The following COL6A6 variants were observed in gnomAD, a reference collection of about 807,000 sequenced individuals.
COL6A6 encodes the protein collagen type VI alpha 6 chain, also known as collagen alpha-6(VI) chain.
A neutral mutation model predicts 208.6 loss-of-function variants in COL6A6; 183 were observed. The observed-to-expected ratio is 0.88, with a 90% CI of 0.78 to 0.99. The LOEUF (loss-of-function observed/expected upper bound fraction) is 0.99. Ranked by LOEUF, COL6A6 falls within the 50% of genes least tolerant of loss-of-function variation. COL6A6 has a pLI of 0.00. For synonymous variants in COL6A6, 973 were observed against 1,011.8 expected, an observed-to-expected ratio of 0.96 and a Z score of 0.73; for missense variants, 2,816 against 2,815.2, an observed-to-expected ratio of 1.00 and a Z score of -0.01.
intron 29 of COL6A6, among the ~76,000 whole-genome samples, chr3:130,642,542 C>T (rs1201703635): frequency 6.6e-6 from 1 of 152,128 alleles, no homozygotes; most frequent in African/African-American, 2.4e-5. Flanking sequence ...GTCAGGTTGT[C>T]AGCTCCATCC....
At chr3:130,616,958 A>G (rs1051023309) in intron 23 of COL6A6, among the ~76,000 whole-genome samples, 1 of 152,158 alleles carries the variant, frequency 6.6e-6, no homozygotes, top group African/African-American at 2.4e-5. Context: ...TGCTTAGAAC[A>G]TTGCCTGCAG....
intron 1 of COL6A6, among the ~76,000 whole-genome samples, chr3:130,553,444 A>C (rs181938223): frequency 1.6e-4 from 25 of 152,280 alleles, no homozygotes; most frequent in African/African-American, 5.5e-4. Flanking sequence ...TTCTGCTGTT[A>C]ATACTTGGGA....
At chr3:130,523,063 C>G (rs147481630) in intron 1 of COL6A6, among the ~76,000 whole-genome samples, 1 of 152,100 alleles carries the variant, frequency 6.6e-6, no homozygotes, top group African/African-American at 2.4e-5. Context: ...ACCACTCCAC[C>G]TTAACTGTGT....
intron 18 of COL6A6, among the ~76,000 whole-genome samples, chr3:130,597,392 A>G (rs943019100): frequency 5.3e-5 from 8 of 152,340 alleles, no homozygotes; most frequent in Non-Finnish European, 8.8e-5. Context: ...CCATTAACTT[A>G]TAAGCTCTGT....
chr3:130,658,890 T>C (rs2065870829), intron 34 of COL6A6, 118 bp downstream of exon 34: 1 of 681,116 alleles, frequency 1.5e-6, no homozygotes. Flanking sequence ...AGGACCTCTC[T>C]GGGGTTCTGG....
chr3:130,572,467 TC>T (rs1188356455), intron 7 of COL6A6, among the ~76,000 whole-genome samples: 3 of 152,256 alleles, frequency 2.0e-5, no homozygotes, highest in Admixed American at 1.3e-4. Flanking sequence ...ATATAGTAGT[TC>T]TTTTTAAAAC....
chr3:130,524,535 C>T (rs1167230061), intron 1 of COL6A6, among the ~76,000 whole-genome samples: 1 of 151,948 alleles, frequency 6.6e-6, no homozygotes, highest in Non-Finnish European at 1.5e-5. Context: ...GGAGTCCCAC[C>T]TCATTTTCTT....
At chr3:130,559,995 T>A (rs1010802049) in intron 1 of COL6A6, among the ~76,000 whole-genome samples, 2 of 152,204 alleles carry the variant, frequency 1.3e-5, no homozygotes, top group Non-Finnish European at 2.9e-5. Context: ...CTGAATTGTC[T>A]TAGCAATGAA....
chr3:130,542,637 A>G (rs1397592652), intron 1 of COL6A6, among the ~76,000 whole-genome samples: 1 of 152,210 alleles, frequency 6.6e-6, no homozygotes, highest in African/African-American at 2.4e-5. Flanking sequence ...GTCTTCAACT[A>G]TAATAGTGGA....
rs1296575321 is a variant in COL6A6 at position 130,676,511 on chromosome 3, A to T, written c.*1114A>T. On this transcript the variant is annotated 3_prime_UTR_variant, in exon 37 of 37. Transcript: ENST00000358511. The stretch of plus-strand genomic sequence containing the variant: ...TGTTCAGACCTTACCTCAGTCTAAG[A>T]GCTGGCTCCACAGTTGGTAGCAATG... The T allele has an allele frequency of 6.6e-6, 1 of 152,196 alleles. No homozygotes were observed. The highest frequency in any genetic ancestry group is 2.4e-5 in the African/African-American group (1 of 41,438). 9.4% of individuals were successfully genotyped at this position (152,196 alleles called of 1,614,324 possible).
At position 130,635,713 on chromosome 3, in the gene COL6A6, C is replaced by G. The variant is rs928089148; in HGVS notation, c.5043C>G (p.Asp1681Glu). 3.7e-6 allele frequency: 6 copies of G among 1,608,954 alleles called. No individual in the cohort carries two copies. In the African/African-American group the frequency reaches 6.7e-5, roughly 18 times the overall value. ...AATGTATTTAGGGTGAGATTGGGGA[C>G]CCTGGTGGTCCAGGAGAGACTGGGC... is the stretch of plus-strand genomic sequence containing the variant. Reference protein sequence around the residue: ...GESGPKGEIGDPGGPGETGLK... With the variant: ...GESGPKGEIGEPGGPGETGLK... Residue 1681 changes from aspartate (D) to glutamate (E), a missense_variant, in exon 28 of 37, where the codon GAC becomes GAG. By Grantham distance (45) the Asp-to-Glu change is conservative. Coordinates refer to ENST00000358511, the MANE Select transcript of COL6A6 (RefSeq NM_001102608.3).
In COL6A6 at chr3:130,642,878, C is replaced by T; in HGVS notation, c.5190+11C>T. ...TTGGCTTCATTTTCTGTACGTATCTCCCGACTACAACAGAGTGCTCTGAGT... is the reference window on the plus strand; with the variant it reads ...TTGGCTTCATTTTCTGTACGTATCTTCCGACTACAACAGAGTGCTCTGAGT... On this transcript the variant is annotated intron_variant, in intron 30 of 36. Transcript: ENST00000358511. The T allele has an allele frequency of 6.2e-7, 1 of 1,613,742 alleles. No homozygotes were observed. The highest frequency in any genetic ancestry group is 1.1e-5 in the South Asian group (1 of 91,084).
At chr3:130,658,841 C>T in intron 34 of COL6A6, 69 bp downstream of exon 34, 2 of 1,112,660 alleles carry the variant, frequency 1.8e-6, no homozygotes, top group Non-Finnish European at 2.7e-6. Context: ...CTGGCAGGGG[C>T]AACTGGAACT....
chr3:130,553,104 G>C (rs1159309747), intron 1 of COL6A6, among the ~76,000 whole-genome samples: 3 of 152,090 alleles, frequency 2.0e-5, no homozygotes, highest in Non-Finnish European at 2.9e-5. Flanking sequence ...GACCTGGGAG[G>C]ATCTGATGAC....
In COL6A6 at chr3:130,563,591, C is replaced by G. The variant is rs1211789430; in HGVS notation, c.588C>G (p.Ser196=). ...CAGTCAGAGACCTCAGCATGTTTTC[C>G]CAAAACATGACACACATCATCAAGG... ...LRTVRDLSMF[S]QNMTHIIKDV... Residue 196 remains serine, a synonymous_variant, in exon 3 of 37, where the codon TCC becomes TCG. Transcript: ENST00000358511. The G allele has an allele frequency of 6.2e-7, 1 of 1,613,830 alleles. No homozygotes were observed. Among genetic ancestry groups the G allele is most frequent in the South Asian group, 1.1e-5 (1 of 91,076 alleles).
intron 1 of COL6A6, among the ~76,000 whole-genome samples, chr3:130,533,170 C>T (rs138194535): frequency 6.6e-6 from 1 of 151,016 alleles, no homozygotes. Context: ...AAAGAAATAG[C>T]GGCCATATTT....
chr3:130,671,082 A>C (rs771216996), intron 36 of COL6A6, among the ~76,000 whole-genome samples: 1 of 152,180 alleles, frequency 6.6e-6, no homozygotes, highest in Non-Finnish European at 1.5e-5. Flanking sequence ...CACCAAGTAA[A>C]GGGGATGGGG....
intron 17 of COL6A6, among the ~76,000 whole-genome samples, 195 bp downstream of exon 17, chr3:130,593,447 G>A (rs2063770589): frequency 6.6e-6 from 1 of 152,160 alleles, no homozygotes; most frequent in African/African-American, 2.4e-5. Context: ...CATGGCTCAT[G>A]TCTGTAAGGT....
rs1468337923 is a variant in COL6A6, at chr3:130,608,819, G to A, written c.4690-83G>A. 59 of 309,914 alleles carry A rather than the reference G, an allele frequency of 1.9e-4. 1 individual carries two copies. The highest frequency in any genetic ancestry group is 3.0e-4 in the Non-Finnish European group (54 of 181,282). 19.2% of individuals were successfully genotyped at this position (309,914 alleles called of 1,614,324 possible). A position where few individuals can be genotyped will look rare whatever the true frequency, so the allele number is the denominator to read the frequency against. On this transcript the variant is annotated intron_variant, in intron 21 of 36. Coordinates refer to ENST00000358511, the MANE Select transcript of COL6A6 (RefSeq NM_001102608.3). ...AAGATCCTGCATTGACATTGTGACT[G>A]AAAAAATATTTGTAAGCTTGCAGGT...
Sources: allele counts gnomAD v4.1 joint callset (sites outside exome capture counted in the v4.1 genomes callset), GRCh38; gene constraint gnomAD v4.1.1; transcripts MANE v1.5; gene names NCBI Gene and HGNC (gene_info 2026-07-23, HGNC 2026-07-21).